The following ARHGAP15 variants were observed in gnomAD, a reference collection of about 807,000 sequenced individuals.
The protein encoded by ARHGAP15 is rho GTPase-activating protein 15.
In ARHGAP15, 51 loss-of-function variants were observed where a neutral mutation model predicts 63.7. That is an observed-to-expected ratio of 0.80 (90% CI 0.64 to 1.01). ARHGAP15 has a LOEUF of 1.01. ARHGAP15 is among the 50% of genes least tolerant of loss of function. The probability of loss-of-function intolerance (pLI) is 0.00; values close to 1 mark genes in which losing one functional copy is unlikely to be tolerated. For synonymous variants in ARHGAP15, 191 were observed against 193.8 expected (o/e 0.99, Z 0.12); for missense variants, 560 against 564.6 (o/e 0.99, Z 0.08).
At chr2:143,168,709 C>T in intron 2 of ARHGAP15, among the ~76,000 whole-genome samples, 1 of 151,926 alleles carries the variant, frequency 6.6e-6, no homozygotes, top group South Asian at 2.1e-4. Context: ...TAAATCTTAT[C>T]ATAAAGAATC....
At position 143,155,336 on chromosome 2, in the gene ARHGAP15, T is replaced by C; in HGVS notation, c.-14-141T>C. The C allele has an allele frequency of 9.3e-6, 7 of 756,252 alleles. 1 individual carries two copies. In the South Asian group the frequency reaches 1.4e-4, roughly 15 times the overall value. 46.8% of individuals were successfully genotyped at this position (756,252 alleles called of 1,614,324 possible). A position where few individuals can be genotyped will look rare whatever the true frequency, so the allele number is the denominator to read the frequency against. ...ACAAAATAACTTACAAAGGAACTACTTTTTTCTTCACTAGTCAGAGAGGTG... is the reference window on the plus strand; with the variant it reads ...ACAAAATAACTTACAAAGGAACTACCTTTTTCTTCACTAGTCAGAGAGGTG... On this transcript the variant is annotated intron_variant, in intron 1 of 13. Transcript: ENST00000295095.
intron 6 of ARHGAP15, among the ~76,000 whole-genome samples, chr2:143,273,660 G>A (rs76753593): frequency 0.027 from 4,036 of 152,020 alleles, 169 homozygotes; most frequent in African/African-American, 0.093. Flanking sequence ...TATTAAATAC[G>A]TCAGTGTGGG....
intron 6 of ARHGAP15, among the ~76,000 whole-genome samples, chr2:143,263,548 T>C (rs1680842401): frequency 6.6e-6 from 1 of 152,140 alleles, no homozygotes; most frequent in African/African-American, 2.4e-5. Context: ...ACTCCACTCA[T>C]GGGCCTATTG....
At chr2:143,377,009 G>A (rs1252717517) in intron 6 of ARHGAP15, among the ~76,000 whole-genome samples, 4 of 152,012 alleles carry the variant, frequency 2.6e-5, no homozygotes, top group African/African-American at 9.7e-5. Flanking sequence ...TCATTTGCCT[G>A]GCATTAAAAT....
At chr2:143,748,999 A>G (rs1459836071) in intron 13 of ARHGAP15, among the ~76,000 whole-genome samples, 1 of 151,894 alleles carries the variant, frequency 6.6e-6, no homozygotes, top group African/African-American at 2.4e-5. Flanking sequence ...TCAGCTTTTG[A>G]GAGGGGGAAA....
At chr2:143,154,086 C>G (rs919041940) in intron 1 of ARHGAP15, among the ~76,000 whole-genome samples, 2 of 151,504 alleles carry the variant, frequency 1.3e-5, no homozygotes, top group African/African-American at 4.8e-5. Context: ...AATAAAATAC[C>G]TGCTCCTCCA....
intron 6 of ARHGAP15, among the ~76,000 whole-genome samples, chr2:143,294,274 T>C (rs1422882218): frequency 1.3e-5 from 2 of 152,126 alleles, no homozygotes; most frequent in Non-Finnish European, 2.9e-5. Flanking sequence ...TATTGCCACA[T>C]GCATTTACTT....
At chr2:143,246,123 G>A (rs371708224) in intron 5 of ARHGAP15, among the ~76,000 whole-genome samples, 1 of 152,068 alleles carries the variant, frequency 6.6e-6, no homozygotes, top group African/African-American at 2.4e-5. Context: ...CTTGGAATCC[G>A]ATAAAAGTAA....
chr2:143,609,683 G>GC (rs1467449136), intron 11 of ARHGAP15, among the ~76,000 whole-genome samples: 1 of 151,760 alleles, frequency 6.6e-6, no homozygotes, highest in African/African-American at 2.4e-5. Flanking sequence ...TCTTCTCTTT[G>GC]CCCCCCCACC....
At chr2:143,619,474 C>A (rs1698575741) in intron 11 of ARHGAP15, among the ~76,000 whole-genome samples, 2 of 152,020 alleles carry the variant, frequency 1.3e-5, no homozygotes, top group African/African-American at 4.8e-5. Context: ...AAACCATAAC[C>A]AAAATGGATT....
Position 143,435,589 on chromosome 2 carries a change from T to TC in ARHGAP15, c.475-12_475-11insC. The TC allele has an allele frequency of 3.3e-6, 5 of 1,518,502 alleles. No individual in the cohort carries two copies. The highest frequency in any genetic ancestry group is 4.4e-6 in the Non-Finnish European group (5 of 1,147,646). 94.1% of individuals were successfully genotyped at this position (1,518,502 alleles called of 1,614,324 possible). On this transcript the variant is annotated splice_polypyrimidine_tract_variant and intron_variant, in intron 6 of 13. Transcript: ENST00000295095. ...ACCTGTCTATTTCTTTTTCTTTTTTTTTTTTTTGCAGATCACAACAGTATC... is the reference window on the plus strand; with the variant it reads ...ACCTGTCTATTTCTTTTTCTTTTTTTCTTTTTTTGCAGATCACAACAGTATC...
At chr2:143,751,853 C>T (rs568115875) in intron 13 of ARHGAP15, among the ~76,000 whole-genome samples, 1 of 152,286 alleles carries the variant, frequency 6.6e-6, no homozygotes, top group Admixed American at 6.5e-5. Flanking sequence ...GCAACCTTGC[C>T]TCCGCCCTTT....
At chr2:143,579,887 T>TTATA (rs1193696109) in intron 11 of ARHGAP15, among the ~76,000 whole-genome samples, 6 of 150,252 alleles carry the variant, frequency 4.0e-5, no homozygotes, top group Non-Finnish European at 7.4e-5. Context: ...TTATTTTTAT[T>TTATA]TTTATTTATT....
intron 6 of ARHGAP15, among the ~76,000 whole-genome samples, chr2:143,368,005 G>T (rs1574342571): frequency 6.6e-6 from 1 of 152,018 alleles, no homozygotes; most frequent in Admixed American, 6.6e-5. Flanking sequence ...TATTTCAAGA[G>T]AGAGATGTTT....
chr2:143,203,167 T>A (rs1370643281), intron 3 of ARHGAP15, among the ~76,000 whole-genome samples: 1 of 152,114 alleles, frequency 6.6e-6, no homozygotes, highest in East Asian at 1.9e-4. Context: ...GGATGTCCCA[T>A]CCTTAGCACC....
At chr2:143,642,971 A>G (rs1251214128) in intron 12 of ARHGAP15, among the ~76,000 whole-genome samples, 1 of 152,170 alleles carries the variant, frequency 6.6e-6, no homozygotes, top group African/African-American at 2.4e-5. Context: ...AAAGCAAAGC[A>G]GTAATTTCTT....
At chr2:143,323,247 C>T (rs1162202191) in intron 6 of ARHGAP15, among the ~76,000 whole-genome samples, 1 of 152,182 alleles carries the variant, frequency 6.6e-6, no homozygotes, top group Non-Finnish European at 1.5e-5. Context: ...ATTTGGGCTT[C>T]TAGTGAACCC....
At chr2:143,569,773 G>C (rs1696379138) in intron 11 of ARHGAP15, among the ~76,000 whole-genome samples, 1 of 152,152 alleles carries the variant, frequency 6.6e-6, no homozygotes, top group South Asian at 2.1e-4. Flanking sequence ...GGGGGAAAGA[G>C]TACATACAGG....
At chr2:143,580,660 T>C (rs1696862744) in intron 11 of ARHGAP15, among the ~76,000 whole-genome samples, 1 of 152,170 alleles carries the variant, frequency 6.6e-6, no homozygotes. Flanking sequence ...ATTATTTTAA[T>C]ACCTTAAAAT....
Sources: allele counts gnomAD v4.1 joint callset (sites outside exome capture counted in the v4.1 genomes callset), GRCh38; gene constraint gnomAD v4.1.1; transcripts MANE v1.5; gene names NCBI Gene and HGNC (gene_info 2026-07-23, HGNC 2026-07-21).